HUWE1: variants seen among roughly 807,000 people sequenced by gnomAD.
HUWE1 encodes E3 ubiquitin-protein ligase HUWE1.
Under a neutral mutation model 299.4 loss-of-function variants are expected in HUWE1, and 18 were observed. That is an observed-to-expected ratio of 0.06 (90% confidence interval 0.04 to 0.09). The LOEUF is 0.09. HUWE1 is among the 10% of genes least tolerant of loss of function. HUWE1 has a pLI of 1.00. For synonymous variants in HUWE1, 1,317 were observed against 1,286.1 expected, an observed-to-expected ratio of 1.02 and a Z score of -0.51; for missense variants, 1,832 against 3,462.3, an observed-to-expected ratio of 0.53 and a Z score of 11.82.
intron 73 of HUWE1, 118 bp from the exon 74 acceptor site, chrX:53,542,657 T>C (rs113730044): frequency 2.6e-5 from 14 of 538,500 alleles, no homozygotes; most frequent in African/African-American, 9.0e-5. Context: ...CTTCCCATAT[T>C]TGGGTGGGGA....
chrX:53,581,328 T>C (rs2063603693), intron 42 of HUWE1, among the ~76,000 whole-genome samples: 1 of 112,385 alleles, frequency 8.9e-6, no homozygotes, highest in African/African-American at 3.2e-5. Context: ...CCTCTCCAAA[T>C]GCTGTCACAA....
At chrX:53,659,444 A>G (rs2068894419) in intron 3 of HUWE1, among the ~76,000 whole-genome samples, 1 of 112,156 alleles carries the variant, frequency 8.9e-6, no homozygotes, top group South Asian at 3.7e-4. Flanking sequence ...ATCAGTACAA[A>G]AAGGCTACAT....
At chrX:53,650,658 C>A (rs1557039471) in intron 4 of HUWE1, among the ~76,000 whole-genome samples, 1 of 111,941 alleles carries the variant, frequency 8.9e-6, no homozygotes, top group African/African-American at 3.3e-5. Flanking sequence ...TCAATAGATA[C>A]CAAATCTGGG....
At position 53,533,656 on chromosome X, in the gene HUWE1, T is replaced by A. The variant is rs147711195; in HGVS notation, c.13023-245A>T. On this transcript the variant is annotated intron_variant, in intron 83 of 83. Coordinates refer to ENST00000262854, the MANE Select transcript of HUWE1 (RefSeq NM_031407.7). ...TAAACACCCTGGCCTCACTCGCCCA[T>A]AGGCTAAAGTGCAAACTTGAAGGTG... 160 of 439,473 alleles carry A rather than the reference T, an allele frequency of 3.6e-4. No homozygotes were observed. The African/African-American group carries it at 3.8e-3, about 11-fold the overall frequency. The allele number at this position is 439,473 out of a possible 1,213,427, so 36.2% of individuals were successfully genotyped here.
intron 68 of HUWE1, 25 bp from the exon 69 acceptor site, chrX:53,546,850 G>A: frequency 8.4e-7 from 1 of 1,195,407 alleles, no homozygotes; most frequent in African/African-American, 1.7e-5. Context: ...ACAGAACACT[G>A]TAAGCCTCTC....
At chrX:53,576,774 T>TA (rs374456677) in intron 44 of HUWE1, 126 bp downstream of exon 44, 43 of 632,551 alleles carry the variant, frequency 6.8e-5, no homozygotes, top group Non-Finnish European at 8.0e-5. Context: ...GGGTATCTTA[T>TA]TCATCTTGAG....
chrX:53,533,654 C>T, intron 83 of HUWE1: 1 of 443,326 alleles, frequency 2.3e-6, no homozygotes, highest in Non-Finnish European at 4.0e-6. Context: ...CTCACTCGCC[C>T]ATAGGCTAAA....
intron 46 of HUWE1, among the ~76,000 whole-genome samples, chrX:53,574,528 C>T (rs2063005522): frequency 8.9e-6 from 1 of 112,500 alleles, no homozygotes; most frequent in Non-Finnish European, 1.9e-5. Flanking sequence ...GTGGGTAATG[C>T]TTCCCTTGAA....
At chrX:53,658,823 G>C (rs73210437) in intron 3 of HUWE1, among the ~76,000 whole-genome samples, 1 of 112,321 alleles carries the variant, frequency 8.9e-6, no homozygotes, top group African/African-American at 3.2e-5. Flanking sequence ...ACATACAAAG[G>C]ACTGTTACCC....
At position 53,627,692 on chromosome X, in the gene HUWE1, G is replaced by A. The variant is rs782717665; in HGVS notation, c.1383+47C>T. On this transcript the variant is annotated intron_variant, in intron 16 of 83. Transcript: ENST00000262854. ...GTTATCAGGACAATCCTTAGGTTCA[G>A]CTCTGAGTATTAAATTCTGTGCAAA... 6.3e-6 allele frequency: 7 copies of A among 1,114,509 alleles called. No homozygotes were observed. The Admixed American group carries it at 6.6e-5, about 11-fold the overall frequency. The allele number at this position is 1,114,509 out of a possible 1,213,427, so 91.8% of individuals were successfully genotyped here.
At chrX:53,653,048 G>C (rs1382252886) in intron 4 of HUWE1, among the ~76,000 whole-genome samples, 1 of 112,086 alleles carries the variant, frequency 8.9e-6, no homozygotes, top group Non-Finnish European at 1.9e-5. Context: ...TCAGGAAGCT[G>C]AGGTGGGAGC....
At chrX:53,629,318 T>C (rs1476413189) in intron 13 of HUWE1, among the ~76,000 whole-genome samples, 198 bp downstream of exon 13, 2 of 111,561 alleles carry the variant, frequency 1.8e-5, no homozygotes, top group African/African-American at 6.5e-5. Flanking sequence ...AAATATTGTA[T>C]ACAATTGCCT....
Position 53,588,584 on chromosome X carries a change from G to C in HUWE1, c.4462-50C>G, listed in dbSNP as rs372659557. The C allele has an allele frequency of 2.5e-4, 283 of 1,129,068 alleles. No homozygotes were observed. In the African/African-American group the frequency reaches 4.1e-3, roughly 17 times the overall value. 93.0% of individuals were successfully genotyped at this position (1,129,068 alleles called of 1,213,427 possible). On this transcript the variant is annotated intron_variant, in intron 36 of 83. Coordinates refer to ENST00000262854, the MANE Select transcript of HUWE1 (RefSeq NM_031407.7). ...GTCACGGAACCGCAGAGCAAGATGA[G>C]GTTTCTGAAAATATTCTCAACCTTT... is the stretch of plus-strand genomic sequence containing the variant.
At chrX:53,568,628 T>A in intron 49 of HUWE1, 64 bp downstream of exon 49, 1 of 1,074,305 alleles carries the variant, frequency 9.3e-7, no homozygotes, top group Non-Finnish European at 1.3e-6. Context: ...ACCAGCTACC[T>A]CCACATCATT....
At chrX:53,554,416 G>C (rs948209546) in intron 61 of HUWE1, among the ~76,000 whole-genome samples, 1 of 110,786 alleles carries the variant, frequency 9.0e-6, no homozygotes, top group Non-Finnish European at 1.9e-5. Context: ...TTGCCTCAAT[G>C]AACTGTTGGT....
intron 19 of HUWE1, 88 bp downstream of exon 19, chrX:53,624,507 A>G: frequency 3.1e-6 from 2 of 638,826 alleles, no homozygotes; most frequent in Non-Finnish European, 5.2e-6. Flanking sequence ...AAAAATAAAT[A>G]AGTAAATAAG....
intron 3 of HUWE1, among the ~76,000 whole-genome samples, chrX:53,675,931 A>G (rs1332352698): frequency 9.0e-6 from 1 of 111,445 alleles, no homozygotes; most frequent in African/African-American, 3.3e-5. Context: ...TGTAATACAC[A>G]TTACAGAACT....
At chrX:53,680,278 A>G (rs2070059673) in intron 2 of HUWE1, 92 bp from the exon 3 acceptor site, 1 of 286,681 alleles carries the variant, frequency 3.5e-6, no homozygotes, top group Non-Finnish European at 6.1e-6. Flanking sequence ...ATGTTCAAAC[A>G]TAACTAGTTA....
chrX:53,577,457 T>TAAAAAAAAAA (rs782304486), intron 43 of HUWE1, among the ~76,000 whole-genome samples: 4 of 76,861 alleles, frequency 5.2e-5, no homozygotes, highest in African/African-American at 2.1e-4. Context: ...AACGTTTTAT[T>TAAAAAAAAAA]AAAAAAAAAA....
Sources: gnomAD v4.1 joint callset for allele counts (sites outside exome capture counted in the v4.1 genomes callset) on GRCh38, gnomAD v4.1.1 for gene constraint, MANE v1.5 for transcripts, NCBI Gene and HGNC (gene_info 2026-07-23, HGNC 2026-07-21) for gene names.